The following TOP2B variants were observed in gnomAD, a reference collection of about 807,000 sequenced individuals.
TOP2B encodes DNA topoisomerase II beta.
In TOP2B, 51 loss-of-function variants were observed where a neutral mutation model predicts 193.5. That is an observed-to-expected ratio of 0.26 (90% CI 0.21 to 0.33). The LOEUF (loss-of-function observed/expected upper bound fraction) is 0.33. Ranked by LOEUF, TOP2B falls within the 10% of genes least tolerant of loss-of-function variation. The pLI is 1.00. For synonymous variants in TOP2B, 634 were observed against 635.7 expected (o/e 1.00, Z 0.04); for missense variants, 1,378 against 1,909.3 (o/e 0.72, Z 5.19).
intron 1 of TOP2B, among the ~76,000 whole-genome samples, chr3:25,648,187 A>AC (rs1317853485): frequency 6.6e-6 from 1 of 152,180 alleles, no homozygotes; most frequent in Non-Finnish European, 1.5e-5. Flanking sequence ...GCCATTGAAA[A>AC]CAAAAGCAAA....
At chr3:25,617,664 C>G (rs1702540915) in intron 25 of TOP2B, among the ~76,000 whole-genome samples, 1 of 151,992 alleles carries the variant, frequency 6.6e-6, no homozygotes, top group African/African-American at 2.4e-5. Flanking sequence ...AATCTAATAC[C>G]CAAAAAATTA....
intron 1 of TOP2B, among the ~76,000 whole-genome samples, chr3:25,647,681 A>G (rs1703449274): frequency 6.6e-6 from 1 of 151,816 alleles, no homozygotes; most frequent in Admixed American, 6.6e-5. Context: ...CTTTTTCCAC[A>G]CTTCCTTACT....
At chr3:25,641,926 T>C (rs1703275942) in intron 4 of TOP2B, among the ~76,000 whole-genome samples, 1 of 152,148 alleles carries the variant, frequency 6.6e-6, no homozygotes. Flanking sequence ...ACAACAACAG[T>C]ACCTAATCTA....
chr3:25,629,103 T>A lies in TOP2B; in HGVS notation c.1732A>T (p.Ile578Phe). Residue 578 changes from isoleucine to phenylalanine, a missense_variant, in exon 14 of 36, where the codon ATC becomes TTC. Physicochemically the swap from Ile to Phe is conservative, Grantham distance 21. Coordinates refer to ENST00000264331, the MANE Select transcript of TOP2B (RefSeq NM_001330700.2). Reference protein sequence around the residue: ...SHIKGLLINFIHHNWPSLLKH... With the variant: ...SHIKGLLINFFHHNWPSLLKH... ...AAAAGTGATGGCCAATTGTGATGGA[T>A]GAAATTAATAAGCAGGCCTTTTATG... 6.2e-6 allele frequency: 10 copies of A among 1,604,444 alleles called. No individual in the cohort carries two copies. The highest frequency in any genetic ancestry group is 8.5e-6 in the Non-Finnish European group (10 of 1,176,494).
At chr3:25,638,133 A>G in intron 5 of TOP2B, 32 bp downstream of exon 5, 6 of 1,536,010 alleles carry the variant, frequency 3.9e-6, no homozygotes, top group Non-Finnish European at 4.4e-6. Flanking sequence ...AGAAAACAGT[A>G]TTTTTCAACC....
At chr3:25,645,173 C>G in intron 2 of TOP2B, 127 bp downstream of exon 2, 1 of 872,040 alleles carries the variant, frequency 1.1e-6, no homozygotes. Flanking sequence ...ATCTTTCACC[C>G]TACTTTGACT....
intron 5 of TOP2B, 56 bp downstream of exon 5, chr3:25,638,109 T>C (rs1431149291): frequency 3.4e-6 from 5 of 1,453,066 alleles, no homozygotes; most frequent in African/African-American, 1.4e-5. Flanking sequence ...TAGTAAGTTA[T>C]ACATTTTATA....
Position 25,664,809 on chromosome 3 carries a change from G to T in TOP2B, c.-512C>A. On this transcript the variant is annotated 5_prime_UTR_variant, in exon 1 of 36. Coordinates refer to ENST00000264331, the MANE Select transcript of TOP2B (RefSeq NM_001330700.2). Reference sequence around the variant, plus strand: ...GCAGCCTTAGCCTCGCTGCAGCCCCGATTTCCTCACACACACACACCGAGA... The same window carrying T: ...GCAGCCTTAGCCTCGCTGCAGCCCCTATTTCCTCACACACACACACCGAGA... 1.0e-6 allele frequency: 1 copy of T among 987,112 alleles called. No individual in the cohort carries two copies. The highest frequency in any genetic ancestry group is 4.6e-5 in the South Asian group (1 of 21,974). 61.1% of individuals were successfully genotyped at this position (987,112 alleles called of 1,614,324 possible).
rs1704046676 is a variant in TOP2B at position 25,664,900 on chromosome 3, G to C, written c.-603C>G. On this transcript the variant is annotated 5_prime_UTR_variant, in exon 1 of 36. Transcript: ENST00000264331. ...CCTCCCTCTTGTCCGGCATAACACC[G>C]CACACACACATTTGCACACCGGGGA... is the stretch of plus-strand genomic sequence containing the variant. 1.0e-6 allele frequency: 1 copy of C among 988,708 alleles called. No homozygotes were observed. Among genetic ancestry groups the C allele is most frequent in the South Asian group, 4.6e-5 (1 of 21,800 alleles). The allele number at this position is 988,708 out of a possible 1,614,324, so 61.2% of individuals were successfully genotyped here. A position where few individuals can be genotyped will look rare whatever the true frequency, so the allele number is the denominator to read the frequency against.
intron 18 of TOP2B, 122 bp from the exon 19 acceptor site, chr3:25,624,925 T>C: frequency 1.1e-6 from 1 of 921,254 alleles, no homozygotes. Flanking sequence ...CTTGAGATTC[T>C]GTAACAAAGT....
At chr3:25,612,444 T>A in intron 28 of TOP2B, 71 bp downstream of exon 28, 2 of 1,187,806 alleles carry the variant, frequency 1.7e-6, no homozygotes, top group Non-Finnish European at 2.3e-6. Flanking sequence ...AAACACGCAT[T>A]AAAATTTTTT....
Position 25,644,769 on chromosome 3 carries a change from A to C in TOP2B, c.240+531T>G, listed in dbSNP as rs116624394. ...TTACATAAAAAGTTCGTATGGCACC[A>C]TTTTACTCTATACTTCATTTTTCTG... On this transcript the variant is annotated intron_variant, in intron 2 of 35. Transcript: ENST00000264331. 5.7e-3 allele frequency among the ~76,000 whole-genome samples: 870 copies of C among 151,580 alleles called. 14 individuals carry two copies. The highest frequency in any genetic ancestry group is 0.02 in the African/African-American group (831 of 41,326).
At chr3:25,624,557 A>T in intron 19 of TOP2B, 112 bp from the exon 20 acceptor site, 1 of 1,529,300 alleles carries the variant, frequency 6.5e-7, no homozygotes, top group Non-Finnish European at 8.8e-7. Flanking sequence ...AATCTCACTA[A>T]TCTGTATATT....
intron 1 of TOP2B, among the ~76,000 whole-genome samples, chr3:25,646,824 A>G (rs1045719197): frequency 2.6e-5 from 4 of 152,226 alleles, no homozygotes; most frequent in African/African-American, 9.6e-5. Context: ...CTAAACGAAG[A>G]TAAGAATTTA....
At chr3:25,658,711 TAAAA>T (rs746090329) in intron 1 of TOP2B, among the ~76,000 whole-genome samples, 2 of 152,090 alleles carry the variant, frequency 1.3e-5, no homozygotes, top group Non-Finnish European at 2.9e-5. Context: ...TAATGCCTAA[TAAAA>T]AAACAGATTT....
chr3:25,654,981 G>A (rs1703704018), intron 1 of TOP2B, among the ~76,000 whole-genome samples: 1 of 152,264 alleles, frequency 6.6e-6, no homozygotes, highest in South Asian at 2.1e-4. Context: ...GAAAACCTTT[G>A]AGACACTGGA....
chr3:25,623,006 G>C (rs1345284153), intron 21 of TOP2B, among the ~76,000 whole-genome samples: 1 of 152,154 alleles, frequency 6.6e-6, no homozygotes, highest in Non-Finnish European at 1.5e-5. Context: ...TCGAACTCCT[G>C]ACCTCAGGTG....
At chr3:25,633,806 C>T (rs574679894) in intron 8 of TOP2B, 35 bp downstream of exon 8, 2 of 1,566,346 alleles carry the variant, frequency 1.3e-6, no homozygotes, top group South Asian at 1.2e-5. Flanking sequence ...TACTGTTCTA[C>T]CACTGACTTG....
In TOP2B at chr3:25,610,977, A is replaced by C. The variant is rs375424731; in HGVS notation, c.3787-1265T>G. Among the ~76,000 whole-genome samples, 6 of 152,344 alleles carry C rather than the reference A, an allele frequency of 3.9e-5. No homozygotes were observed. The East Asian group carries it at 7.7e-4, about 20-fold the overall frequency. ...GACAAAACTCCCAGGTTTTTGGCTT[A>C]TATCATTGATGGCTGATAGTGTCAT... On this transcript the variant is annotated intron_variant, in intron 28 of 35. Coordinates refer to ENST00000264331, the MANE Select transcript of TOP2B (RefSeq NM_001330700.2).
Sources: gnomAD v4.1 joint callset for allele counts (sites outside exome capture counted in the v4.1 genomes callset) on GRCh38, gnomAD v4.1.1 for gene constraint, MANE v1.5 for transcripts, NCBI Gene and HGNC (gene_info 2026-07-23, HGNC 2026-07-21) for gene names.